The following UBE2R2 variants were observed in gnomAD, a reference collection of about 807,000 sequenced individuals.
UBE2R2 encodes ubiquitin-conjugating enzyme E2 R2.
In UBE2R2, 1 loss-of-function variant was observed where a neutral mutation model predicts 27.8. The ratio of observed to expected loss-of-function variants is 0.04; its 90% CI spans 0.01 to 0.17. The LOEUF (loss-of-function observed/expected upper bound fraction) is 0.17, where lower values mean the gene tolerates loss of function less well. Among genes scored for constraint, UBE2R2 ranks in the 10% least tolerant of loss-of-function variants. The probability of loss-of-function intolerance (pLI) is 1.00; values close to 1 mark genes in which losing one functional copy is unlikely to be tolerated. For missense variants in UBE2R2, 100 were observed against 291.0 expected (o/e 0.34, Z 4.78); for synonymous variants, 106 against 113.3 (o/e 0.94, Z 0.41).
chr9:33,848,915 A>T (rs550883630), intron 1 of UBE2R2, among the ~76,000 whole-genome samples: 2 of 152,154 alleles, frequency 1.3e-5, no homozygotes, highest in East Asian at 3.9e-4. Flanking sequence ...GTCTAATCTT[A>T]AAATGAGAAA....
chr9:33,827,368 C>T (rs1249901834), intron 1 of UBE2R2, among the ~76,000 whole-genome samples: 1 of 152,018 alleles, frequency 6.6e-6, no homozygotes, highest in East Asian at 1.9e-4. Flanking sequence ...AGGCTGGGCA[C>T]CGTGGCTCAC....
chr9:33,905,257 C>CT (rs1196628128), intron 3 of UBE2R2, among the ~76,000 whole-genome samples: 1 of 152,168 alleles, frequency 6.6e-6, no homozygotes, highest in African/African-American at 2.4e-5. Flanking sequence ...ATAAAAGAGT[C>CT]TGTCTCAGAA....
intron 3 of UBE2R2, among the ~76,000 whole-genome samples, chr9:33,911,376 T>C (rs1252958975): frequency 2.9e-5 from 3 of 103,796 alleles, no homozygotes; most frequent in Non-Finnish European, 5.3e-5. Context: ...CACTCCAGCC[T>C]GGGGAACAAG....
At chr9:33,911,866 G>A in intron 3 of UBE2R2, 98 bp from the exon 4 acceptor site, 1 of 1,177,016 alleles carries the variant, frequency 8.5e-7, no homozygotes, top group South Asian at 3.0e-5. Flanking sequence ...TTAAGGGAGG[G>A]AGAATTTGAA....
At chr9:33,882,156 T>C (rs1453324647) in intron 1 of UBE2R2, among the ~76,000 whole-genome samples, 1 of 152,154 alleles carries the variant, frequency 6.6e-6, no homozygotes, top group Non-Finnish European at 1.5e-5. Context: ...TCCAATTTGT[T>C]TTCTTTAGCA....
chr9:33,912,164 T>A, intron 4 of UBE2R2, 66 bp downstream of exon 4: 1 of 1,363,628 alleles, frequency 7.3e-7, no homozygotes, highest in Non-Finnish European at 1.0e-6. Flanking sequence ...ACCAAGGGTT[T>A]AAATCAAACT....
At chr9:33,896,970 TG>T (rs1241409765) in intron 2 of UBE2R2, among the ~76,000 whole-genome samples, 16 of 151,238 alleles carry the variant, frequency 1.1e-4, no homozygotes, top group Admixed American at 9.9e-4. Context: ...TTTTGTTGTT[TG>T]TTTTTTTAAT....
rs553405600 is a variant in UBE2R2 at position 33,900,637 on chromosome 9, C to T, written c.362+366C>T. ...TCATTATAAGTAACTGAAGTCCATA[C>T]GCTTTCACATTTCCTTTGTTTTTAC... On this transcript the variant is annotated intron_variant, in intron 3 of 4. Coordinates refer to ENST00000263228, the MANE Select transcript of UBE2R2 (RefSeq NM_017811.4). 1.1e-4 allele frequency among the ~76,000 whole-genome samples: 16 copies of T among 152,210 alleles called. No individual in the cohort carries two copies. In the East Asian group the frequency reaches 2.7e-3, roughly 26 times the overall value.
At chr9:33,866,004 G>T (rs1821354476) in intron 1 of UBE2R2, among the ~76,000 whole-genome samples, 1 of 151,372 alleles carries the variant, frequency 6.6e-6, no homozygotes, top group Non-Finnish European at 1.5e-5. Flanking sequence ...GCTAATTTTT[G>T]AATTTTTAGT....
chr9:33,912,197 A>G, intron 4 of UBE2R2, 99 bp downstream of exon 4: 3 of 1,072,370 alleles, frequency 2.8e-6, no homozygotes, highest in East Asian at 5.1e-5. Context: ...CCATTCCAGG[A>G]TAATTTTCCT....
intron 1 of UBE2R2, among the ~76,000 whole-genome samples, chr9:33,828,695 G>A (rs975346204): frequency 5.9e-5 from 9 of 151,890 alleles, no homozygotes; most frequent in African/African-American, 2.2e-4. Flanking sequence ...CCGAGTAGCT[G>A]GGATTACAGG....
In UBE2R2 at chr9:33,817,284, C is replaced by A. The variant is rs1428503494; in HGVS notation, c.-474C>A. On this transcript the variant is annotated 5_prime_UTR_variant, in exon 1 of 5. Transcript: ENST00000263228. ...GAGACCCCCGCACGCCGCTCTCCCC[C>A]CACCCTCTCCTGCCCCGCGCGCCCT... Among the ~76,000 whole-genome samples the A allele has an allele frequency of 6.7e-6, 1 of 149,964 alleles. No homozygotes were observed. The highest frequency in any genetic ancestry group is 1.5e-5 in the Non-Finnish European group (1 of 67,060).
At chr9:33,892,442 G>A (rs184706166) in intron 2 of UBE2R2, among the ~76,000 whole-genome samples, 4 of 152,150 alleles carry the variant, frequency 2.6e-5, no homozygotes, top group Non-Finnish European at 4.4e-5. Flanking sequence ...CAAAATTGAG[G>A]GGAAAGTTCA....
At position 33,817,350 on chromosome 9, in the gene UBE2R2, A is replaced by G. The variant is rs1346454787; in HGVS notation, c.-408A>G. 1.4e-5 allele frequency among the ~76,000 whole-genome samples: 2 copies of G among 146,104 alleles called. No homozygotes were observed. Among genetic ancestry groups the G allele is most frequent in the Non-Finnish European group, 3.0e-5 (2 of 66,134 alleles). On this transcript the variant is annotated 5_prime_UTR_variant, in exon 1 of 5. Coordinates refer to ENST00000263228, the MANE Select transcript of UBE2R2 (RefSeq NM_017811.4). ...CCCGAAGAGAACGAGAGGGCGAGCG[A>G]GCGCGGCGTTCCCGGGCCGGCCCGG... is the stretch of plus-strand genomic sequence containing the variant.
intron 2 of UBE2R2, among the ~76,000 whole-genome samples, chr9:33,893,902 A>AT (rs779806091): frequency 6.6e-5 from 10 of 152,102 alleles, no homozygotes; most frequent in Non-Finnish European, 1.5e-4. Context: ...AAATGCTGGG[A>AT]TTACAGGTGT....
intron 1 of UBE2R2, among the ~76,000 whole-genome samples, chr9:33,841,313 C>T (rs1173782581): frequency 6.6e-6 from 1 of 152,120 alleles, no homozygotes; most frequent in Non-Finnish European, 1.5e-5. Flanking sequence ...CTCCTGACCT[C>T]AGGTGTTCCA....
chr9:33,865,153 C>T (rs1225177801), intron 1 of UBE2R2, among the ~76,000 whole-genome samples: 1 of 151,810 alleles, frequency 6.6e-6, no homozygotes, highest in African/African-American at 2.4e-5. Context: ...AGCCACTGTG[C>T]CCAACTTACT....
intron 2 of UBE2R2, among the ~76,000 whole-genome samples, chr9:33,894,742 T>C (rs1016115930): frequency 6.6e-6 from 1 of 152,176 alleles, no homozygotes; most frequent in Non-Finnish European, 1.5e-5. Context: ...AAAAAAAATT[T>C]TAAAATTGTC....
chr9:33,901,244 T>A (rs1822239524), intron 3 of UBE2R2, among the ~76,000 whole-genome samples: 1 of 152,216 alleles, frequency 6.6e-6, no homozygotes, highest in Admixed American at 6.5e-5. Context: ...ATGATTAGTC[T>A]AGGGTTATAG....
Sources: gnomAD v4.1 joint callset for allele counts (sites outside exome capture counted in the v4.1 genomes callset) on GRCh38, gnomAD v4.1.1 for gene constraint, MANE v1.5 for transcripts, NCBI Gene and HGNC (gene_info 2026-07-23, HGNC 2026-07-21) for gene names.